HDAC9: variants seen among roughly 807,000 people sequenced by gnomAD.
The protein encoded by HDAC9 is MEF-2 interacting transcription repressor (MITR) protein.
Under a neutral mutation model 139.4 loss-of-function variants are expected in HDAC9, and 41 were observed. That is an observed-to-expected ratio of 0.29 (90% CI 0.23 to 0.38). The LOEUF (loss-of-function observed/expected upper bound fraction) is 0.38, where lower values mean the gene tolerates loss of function less well. HDAC9 is among the 10% of genes least tolerant of loss of function. The pLI, the probability that HDAC9 is intolerant of heterozygous loss-of-function variation, is 1.00. For missense variants in HDAC9, 1,147 were observed against 1,297.0 expected, an observed-to-expected ratio of 0.88 and a Z score of 1.78; for synonymous variants, 517 against 476.2, an observed-to-expected ratio of 1.09 and a Z score of -1.12.
At chr7:18,289,184 C>T (rs1274236047), upstream of HDAC9, among the ~76,000 whole-genome samples, 1 of 152,108 alleles carries the variant, frequency 6.6e-6, no homozygotes, top group Non-Finnish European at 1.5e-5. Flanking sequence ...TAGAATTGTG[C>T]AGTTTTTGTT....
intron 1 of HDAC9, among the ~76,000 whole-genome samples, chr7:18,357,233 C>T (rs1783386340): frequency 6.6e-6 from 1 of 151,912 alleles, no homozygotes. Flanking sequence ...CCTATATATC[C>T]AATCTAATAT....
chr7:18,835,521 C>T lies in HDAC9; in HGVS notation c.2521C>T (p.Leu841=), dbSNP rs1796173096. ...GGCCTTTTATGCTGACCCCAGCATC[C>T]TGTACATTTCACTCCATCGCTATGA... ...QQAFYADPSI[L]YISLHRYDEG... The change falls in exon 20 of 26, where the codon CTG becomes TTG. Residue 841 remains leucine (L), a synonymous_variant. Transcript: ENST00000686413. The T allele has an allele frequency of 1.9e-6, 3 of 1,613,416 alleles. No homozygotes were observed. In the African/African-American group the frequency reaches 4.0e-5, roughly 22 times the overall value.
intron 2 of HDAC9, among the ~76,000 whole-genome samples, chr7:18,187,709 TG>T (rs1212535186): frequency 1.6e-4 from 24 of 152,214 alleles, no homozygotes; most frequent in Admixed American, 1.6e-3. Context: ...CATACAGTGT[TG>T]CCTAGTGAAT....
intron 2 of HDAC9, among the ~76,000 whole-genome samples, chr7:18,519,804 A>T (rs755956294): frequency 2.1e-4 from 32 of 152,278 alleles, no homozygotes; most frequent in Non-Finnish European, 3.5e-4. Context: ...GATATTTATC[A>T]GCAGTTTTAT....
intron 22 of HDAC9, among the ~76,000 whole-genome samples, chr7:18,925,180 C>T (rs1294836073): frequency 6.6e-6 from 1 of 152,100 alleles, no homozygotes; most frequent in Non-Finnish European, 1.5e-5. Flanking sequence ...AGTACTAATG[C>T]ATTAAATTTG....
chr7:18,602,910 A>G (rs1005426373), intron 6 of HDAC9, among the ~76,000 whole-genome samples: 1 of 152,028 alleles, frequency 6.6e-6, no homozygotes, highest in East Asian at 1.9e-4. Context: ...AAAGTCTCCA[A>G]CCGTAATAGG....
chr7:18,676,211 T>A (rs568144425), intron 12 of HDAC9, among the ~76,000 whole-genome samples: 1 of 152,140 alleles, frequency 6.6e-6, no homozygotes, highest in African/African-American at 2.4e-5. Flanking sequence ...TCTTTCTTAT[T>A]TTTATTTTTA....
intron 1 of HDAC9, among the ~76,000 whole-genome samples, chr7:18,482,989 C>T (rs1255989737): frequency 2.0e-5 from 3 of 152,164 alleles, no homozygotes; most frequent in Non-Finnish European, 4.4e-5. Flanking sequence ...TGAAGTACTG[C>T]TCTGAAGTGT....
chr7:18,633,896 A>G (rs537004852), intron 7 of HDAC9, among the ~76,000 whole-genome samples: 7 of 152,246 alleles, frequency 4.6e-5, no homozygotes, highest in African/African-American at 1.2e-4. Context: ...ATATCTGAAG[A>G]GGAAAGGATG....
At chr7:18,759,275 C>G (rs1282697852) in intron 14 of HDAC9, among the ~76,000 whole-genome samples, 1 of 152,114 alleles carries the variant, frequency 6.6e-6, no homozygotes, top group Non-Finnish European at 1.5e-5. Flanking sequence ...AGGAACCAGG[C>G]TGCACAGCAG....
At chr7:18,527,202 C>G (rs1164148446) in intron 2 of HDAC9, among the ~76,000 whole-genome samples, 1 of 152,032 alleles carries the variant, frequency 6.6e-6, no homozygotes, top group African/African-American at 2.4e-5. Flanking sequence ...GGTAGTGGCT[C>G]TAATGTTCTT....
chr7:18,895,861 A>G (rs1801149535), intron 22 of HDAC9, among the ~76,000 whole-genome samples: 1 of 152,096 alleles, frequency 6.6e-6, no homozygotes, highest in African/African-American at 2.4e-5. Flanking sequence ...CAGCTTAGTA[A>G]CAATAAGTCA....
At chr7:18,252,455 T>C (rs1035135160) in intron 2 of HDAC9, among the ~76,000 whole-genome samples, 9 of 152,106 alleles carry the variant, frequency 5.9e-5, no homozygotes, top group Non-Finnish European at 1.2e-4. Context: ...AATGAACCTA[T>C]CCTATATGTA....
At chr7:18,098,140 A>G (rs1192809115) in intron 1 of HDAC9, among the ~76,000 whole-genome samples, 1 of 152,238 alleles carries the variant, frequency 6.6e-6, no homozygotes, top group Non-Finnish European at 1.5e-5. Flanking sequence ...CATCATGACA[A>G]GTTTCACTGC....
intron 2 of HDAC9, among the ~76,000 whole-genome samples, chr7:18,225,569 C>A (rs1792999489): frequency 6.6e-6 from 1 of 151,986 alleles, no homozygotes. Flanking sequence ...ACAAATCTTA[C>A]AAGAAAGTTT....
rs1298981990 is a variant in HDAC9, at chr7:18,401,116, A to C, written c.-41-95146A>C. ...TACTTTTAATCATTTTGGTCATGGC[A>C]TGTCAAAGGTTTTCTCTTTGAAAAG... is the stretch of plus-strand genomic sequence containing the variant. On this transcript the variant is annotated intron_variant, in intron 1 of 3. Transcript: ENST00000413509. 3.9e-5 allele frequency among the ~76,000 whole-genome samples: 6 copies of C among 152,276 alleles called. No homozygotes were observed. In the South Asian group the frequency reaches 1.2e-3, roughly 32 times the overall value.
chr7:18,709,835 C>A (rs529976586), intron 12 of HDAC9, among the ~76,000 whole-genome samples: 22 of 152,186 alleles, frequency 1.4e-4, no homozygotes, highest in African/African-American at 4.8e-4. Flanking sequence ...TGACACCCAG[C>A]CTTGCCCTGT....
intron 2 of HDAC9, among the ~76,000 whole-genome samples, chr7:18,576,169 A>T (rs1363805814): frequency 6.6e-6 from 1 of 152,202 alleles, no homozygotes; most frequent in Non-Finnish European, 1.5e-5. Context: ...TAAGGAACTG[A>T]AAAATCAGTG....
chr7:18,680,303 C>A (rs377327262), intron 12 of HDAC9, among the ~76,000 whole-genome samples: 3 of 151,792 alleles, frequency 2.0e-5, no homozygotes, highest in East Asian at 1.9e-4. Flanking sequence ...TCTTCAGTTG[C>A]GTAATGAGGA....
Sources: gnomAD v4.1 joint callset for allele counts (sites outside exome capture counted in the v4.1 genomes callset) on GRCh38, gnomAD v4.1.1 for gene constraint, MANE v1.5 for transcripts, NCBI Gene and HGNC (gene_info 2026-07-23, HGNC 2026-07-21) for gene names.